PCDHB12: variants seen among roughly 807,000 people sequenced by gnomAD.
PCDHB12 encodes protocadherin beta 12, also known as protocadherin beta-12.
For synonymous variants in PCDHB12, 560 were observed against 445.2 expected (o/e 1.26, Z -3.24); for missense variants, 1,192 against 998.2 (o/e 1.19, Z -2.62).
At position 141,210,284 on chromosome 5, in the gene PCDHB12, C is replaced by A. The variant is rs782545132; in HGVS notation, c.1377C>A (p.Phe459Leu). ...PAFTQTSYAL[F>L]VRENNSPALH... ...TCACCCAAACTTCCTACGCCCTGTT[C>A]GTCCGCGAGAACAACAGCCCCGCCC... The change falls in exon 1 of 1, where the codon TTC becomes TTA. Residue 459 changes from phenylalanine (F) to leucine (L), a missense_variant. By Grantham distance (22) the Phe-to-Leu change is conservative (BLOSUM62 0). Transcript: ENST00000239450. 1.5e-5 allele frequency: 25 copies of A among 1,613,916 alleles called. No individual in the cohort carries two copies. Among genetic ancestry groups the A allele is most frequent in the South Asian group, 3.3e-5 (3 of 91,062 alleles).
Position 141,210,813 on chromosome 5 carries a change from G to T in PCDHB12, c.1906G>T (p.Ala636Ser), listed in dbSNP as rs782694034. ...CAGGCTGCTGAGCGAGCGCGACGCG[G>T]CCAAGCACAGGCTGGTGGTGCTGGT... The part of the protein sequence containing the change: ...TARLLSERDA[A>S]KHRLVVLVKD... The change falls in exon 1 of 1, where the codon GCC (alanine) becomes TCC (serine). Residue 636 changes from alanine (A) to serine (S), a missense_variant. Physicochemically the swap from Ala to Ser is moderately conservative, Grantham distance 99. Coordinates refer to ENST00000239450, the MANE Select transcript of PCDHB12 (RefSeq NM_018932.4). 6.2e-7 allele frequency: 1 copy of T among 1,600,380 alleles called. No homozygotes were observed. Among genetic ancestry groups the T allele is most frequent in the South Asian group, 1.1e-5 (1 of 90,846 alleles).
At position 141,208,970 on chromosome 5, in the gene PCDHB12, G is replaced by C; in HGVS notation, c.63G>C (p.Leu21=). ...AAGTCCTGCTTTTCTTTGTTTTGCT[G>C]GGAATGTCTCAGGCGGGCTCTGAAA... ...IRQVLLFFVL[L]GMSQAGSETG... The change falls in exon 1 of 1, where the codon CTG becomes CTC. Residue 21 remains leucine, a synonymous_variant. Transcript: ENST00000239450. 3 of 1,576,252 alleles carry C rather than the reference G, an allele frequency of 1.9e-6. No homozygotes were observed. The highest frequency in any genetic ancestry group is 2.6e-6 in the Non-Finnish European group (3 of 1,164,646).
Position 141,210,327 on chromosome 5 carries a change from A to C in PCDHB12, c.1420A>C (p.Ser474Arg), listed in dbSNP as rs1554286917. The C allele has an allele frequency of 3.1e-6, 5 of 1,613,184 alleles. No individual in the cohort carries two copies. The highest frequency in any genetic ancestry group is 3.4e-6 in the Non-Finnish European group (4 of 1,180,022). Residue 474 changes from serine to arginine, a missense_variant, in exon 1 of 1, where the codon AGC becomes CGC. Physicochemically the swap from Ser to Arg is moderately radical, Grantham distance 110. Transcript: ENST00000239450. ...NSPALHIGSI[S>R]ATDRDSGTNA... ...CCCCGCCCTGCACATCGGCAGCATCAGCGCCACAGACAGAGACTCGGGCAC... is the reference window on the plus strand; with the variant it reads ...CCCCGCCCTGCACATCGGCAGCATCCGCGCCACAGACAGAGACTCGGGCAC...
In PCDHB12 at chr5:141,210,102, A is replaced by G; in HGVS notation, c.1195A>G (p.Asn399Asp). The change falls in exon 1 of 1, where the codon AAT (asparagine) becomes GAT (aspartate). Residue 399 changes from asparagine (N) to aspartate (D), a missense_variant. Asn to Asp is a conservative substitution (Grantham distance 23). Transcript: ENST00000239450. ...IPFVLKSSVN[N>D]YYTLETERPL... ...ATTCGTGCTAAAATCTTCGGTAAAT[A>G]ATTACTACACTTTGGAAACAGAGAG... 6.2e-7 allele frequency: 1 copy of G among 1,614,118 alleles called. No individual in the cohort carries two copies.
In PCDHB12 at chr5:141,211,111, A is replaced by G. The variant is rs782092570; in HGVS notation, c.2204A>G (p.His735Arg). 15 of 1,613,916 alleles carry G rather than the reference A, an allele frequency of 9.3e-6. No homozygotes were observed. The Admixed American group carries it at 2.2e-4, about 23-fold the overall frequency. Residue 735 changes from histidine (H) to arginine (R), a missense_variant, in exon 1 of 1, where the codon CAT becomes CGT. Coordinates refer to ENST00000239450, the MANE Select transcript of PCDHB12 (RefSeq NM_018932.4). ...GTGCCTGAGGGCCCCTTTCCAGGACATCTGGTGGACGTGAGTGGCACCGGG... is the reference window on the plus strand; with the variant it reads ...GTGCCTGAGGGCCCCTTTCCAGGACGTCTGGTGGACGTGAGTGGCACCGGG... ...CSVPEGPFPG[H>R]LVDVSGTGTL...
chr5:141,212,005 T>G lies in PCDHB12; in HGVS notation c.*710T>G, dbSNP rs1754472682. The G allele has an allele frequency of 6.0e-6, 1 of 167,116 alleles. No homozygotes were observed. The highest frequency in any genetic ancestry group is 6.5e-5 in the Admixed American group (1 of 15,288). 10.4% of individuals were successfully genotyped at this position (167,116 alleles called of 1,614,324 possible). A position where few individuals can be genotyped will look rare whatever the true frequency, so the allele number is the denominator to read the frequency against. ...TTCAATCTTTATTTAGAAATAAACT[T>G]TATCTATGATTTCATTTTCTTATAA... On this transcript the variant is annotated 3_prime_UTR_variant, in exon 1 of 1. Coordinates refer to ENST00000239450, the MANE Select transcript of PCDHB12 (RefSeq NM_018932.4).
In PCDHB12 at chr5:141,210,503, C is replaced by T; in HGVS notation, c.1596C>T (p.Gly532=). The change falls in exon 1 of 1, where the codon GGC becomes GGT. Residue 532 remains glycine (G), a synonymous_variant. Coordinates refer to ENST00000239450, the MANE Select transcript of PCDHB12 (RefSeq NM_018932.4). Reference sequence around the variant, plus strand: ...TGCAGGGGTTCCAGTTCCGCGTGGGCGCCACAGACCACGGCTCCCCGGCTT... The same window carrying T: ...TGCAGGGGTTCCAGTTCCGCGTGGGTGCCACAGACCACGGCTCCCCGGCTT... The part of the protein sequence containing the change: ...EALQGFQFRV[G]ATDHGSPALS... 6.2e-7 allele frequency: 1 copy of T among 1,612,420 alleles called. No homozygotes were observed. The highest frequency in any genetic ancestry group is 8.5e-7 in the Non-Finnish European group (1 of 1,179,834).
chr5:141,211,484 T>C lies in PCDHB12; in HGVS notation c.*189T>C, dbSNP rs1554287235. 3 of 708,370 alleles carry C rather than the reference T, an allele frequency of 4.2e-6. No homozygotes were observed. The highest frequency in any genetic ancestry group is 7.5e-6 in the Non-Finnish European group (3 of 399,330). 43.9% of individuals were successfully genotyped at this position (708,370 alleles called of 1,614,324 possible). ...CACTTCACAAAGCAGGAAATGTGCA[T>C]GTGTAATGGTTTATGTCAAACAATT... On this transcript the variant is annotated 3_prime_UTR_variant, in exon 1 of 1. Transcript: ENST00000239450.
Position 141,208,837 on chromosome 5 carries a change from C to A in PCDHB12, c.-71C>A. On this transcript the variant is annotated 5_prime_UTR_variant, in exon 1 of 1. Transcript: ENST00000239450. ...GGATTTGGTAGACAGATCAGAGGCA[C>A]GTTTCCCACAACTGCGAAGAGGCGC... The A allele has an allele frequency of 7.4e-7, 1 of 1,356,206 alleles. No homozygotes were observed. Among genetic ancestry groups the A allele is most frequent in the Non-Finnish European group, 1.0e-6 (1 of 995,974 alleles). 84.0% of individuals were successfully genotyped at this position (1,356,206 alleles called of 1,614,324 possible). A position where few individuals can be genotyped will look rare whatever the true frequency, so the allele number is the denominator to read the frequency against.
In PCDHB12 at chr5:141,211,588, C is replaced by T. The variant is rs1754463800; in HGVS notation, c.*293C>T. ...TGCTTTCCATTGTTTTCAATATTTACTGTGACTTTTGTTTTCTGAGTTGAT... is the reference window on the plus strand; with the variant it reads ...TGCTTTCCATTGTTTTCAATATTTATTGTGACTTTTGTTTTCTGAGTTGAT... On this transcript the variant is annotated 3_prime_UTR_variant, in exon 1 of 1. Coordinates refer to ENST00000239450, the MANE Select transcript of PCDHB12 (RefSeq NM_018932.4). 7.3e-6 allele frequency: 3 copies of T among 412,902 alleles called. No individual in the cohort carries two copies. The highest frequency in any genetic ancestry group is 8.8e-5 in the Admixed American group (2 of 22,832). 25.6% of individuals were successfully genotyped at this position (412,902 alleles called of 1,614,324 possible).
At position 141,210,939 on chromosome 5, in the gene PCDHB12, C is replaced by T. The variant is rs1554287087; in HGVS notation, c.2032C>T (p.Pro678Ser). 6.2e-6 allele frequency: 10 copies of T among 1,611,388 alleles called. No individual in the cohort carries two copies. In the South Asian group the frequency reaches 9.9e-5, roughly 16 times the overall value. ...CTACCTGCCTCTCCCGGAGGCGGCC[C>T]CGGCCCAGGCCCAGGCCGACTCGCT... ...QPYLPLPEAA[P>S]AQAQADSLTV... The change falls in exon 1 of 1, where the codon CCG becomes TCG. Residue 678 changes from proline to serine, a missense_variant. Physicochemically the swap from Pro to Ser is moderately conservative, Grantham distance 74 (BLOSUM62 -1). Coordinates refer to ENST00000239450, the MANE Select transcript of PCDHB12 (RefSeq NM_018932.4).
At position 141,210,339 on chromosome 5, in the gene PCDHB12, A is replaced by C; in HGVS notation, c.1432A>C (p.Arg478=). 3 of 1,613,058 alleles carry C rather than the reference A, an allele frequency of 1.9e-6. No individual in the cohort carries two copies. Among genetic ancestry groups the C allele is most frequent in the Non-Finnish European group, 2.5e-6 (3 of 1,179,988 alleles). ...LHIGSISATD[R]DSGTNAQVNY... ...CATCGGCAGCATCAGCGCCACAGAC[A>C]GAGACTCGGGCACCAACGCCCAGGT... The change falls in exon 1 of 1, where the codon AGA becomes CGA. Residue 478 remains arginine, a synonymous_variant. Coordinates refer to ENST00000239450, the MANE Select transcript of PCDHB12 (RefSeq NM_018932.4).
At position 141,210,285 on chromosome 5, in the gene PCDHB12, G is replaced by C. The variant is rs201639038; in HGVS notation, c.1378G>C (p.Val460Leu). The C allele has an allele frequency of 4.0e-5, 65 of 1,613,734 alleles. No individual in the cohort carries two copies. Among genetic ancestry groups the C allele is most frequent in the Non-Finnish European group, 3.6e-5 (42 of 1,180,040 alleles). ...CACCCAAACTTCCTACGCCCTGTTCGTCCGCGAGAACAACAGCCCCGCCCT... is the reference window on the plus strand; with the variant it reads ...CACCCAAACTTCCTACGCCCTGTTCCTCCGCGAGAACAACAGCCCCGCCCT... The part of the protein sequence containing the change: ...AFTQTSYALF[V>L]RENNSPALHI... The change falls in exon 1 of 1, where the codon GTC becomes CTC. Residue 460 changes from valine to leucine, a missense_variant. Coordinates refer to ENST00000239450, the MANE Select transcript of PCDHB12 (RefSeq NM_018932.4).
chr5:141,210,047 G>C lies in PCDHB12; in HGVS notation c.1140G>C (p.Lys380Asn). ...IRDRDSGDNGKMVCSIPEDIP... is the reference protein window; with the variant it reads ...IRDRDSGDNGNMVCSIPEDIP... ...ACAGAGACTCTGGGGACAACGGAAAGATGGTTTGTTCTATCCCGGAGGACA... is the reference window on the plus strand; with the variant it reads ...ACAGAGACTCTGGGGACAACGGAAACATGGTTTGTTCTATCCCGGAGGACA... Residue 380 changes from lysine to asparagine, a missense_variant, in exon 1 of 1, where the codon AAG becomes AAC. Lys to Asn is a moderately conservative substitution (Grantham distance 94, BLOSUM62 0). Transcript: ENST00000239450. The C allele has an allele frequency of 6.2e-7, 1 of 1,614,214 alleles. No homozygotes were observed. Among genetic ancestry groups the C allele is most frequent in the Non-Finnish European group, 8.5e-7 (1 of 1,180,048 alleles).
In PCDHB12 at chr5:141,210,528, T is replaced by C. The variant is rs781897576; in HGVS notation, c.1621T>C (p.Leu541=). Residue 541 remains leucine (L), a synonymous_variant, in exon 1 of 1, where the codon TTG becomes CTG. Coordinates refer to ENST00000239450, the MANE Select transcript of PCDHB12 (RefSeq NM_018932.4). The part of the protein sequence containing the change: ...VGATDHGSPA[L]SSEALVRVLV... ...CGCCACAGACCACGGCTCCCCGGCT[T>C]TGAGCAGCGAGGCGCTGGTGCGCGT... 3.8e-5 allele frequency: 62 copies of C among 1,611,960 alleles called. No homozygotes were observed. Among genetic ancestry groups the C allele is most frequent in the African/African-American group, 6.7e-5 (5 of 74,880 alleles).
rs781913146 is a variant in PCDHB12 at position 141,210,461 on chromosome 5, G to T, written c.1554G>T (p.Ser518=). The change falls in exon 1 of 1, where the codon TCG becomes TCT. Residue 518 remains serine, a synonymous_variant. Transcript: ENST00000239450. ...ADNGHLFALR[S]LDYEALQGFQ... ...ACGGCCACCTGTTTGCCCTCAGGTC[G>T]CTGGACTACGAGGCCCTGCAGGGGT... 18 of 1,612,780 alleles carry T rather than the reference G, an allele frequency of 1.1e-5. No homozygotes were observed. The highest frequency in any genetic ancestry group is 4.0e-5 in the African/African-American group (3 of 74,908).
In PCDHB12 at chr5:141,210,254, C is replaced by T; in HGVS notation, c.1347C>T (p.Pro449=). 1 of 1,614,144 alleles carries T rather than the reference C, an allele frequency of 6.2e-7. No individual in the cohort carries two copies. Among genetic ancestry groups the T allele is most frequent in the Non-Finnish European group, 8.5e-7 (1 of 1,180,042 alleles). ...TCTCCGACGTCAATGACAACGCCCC[C>T]GCCTTCACCCAAACTTCCTACGCCC... ...VLVSDVNDNA[P]AFTQTSYALF... is the part of the protein sequence containing the mutation. Residue 449 remains proline, a synonymous_variant, in exon 1 of 1, where the codon CCC becomes CCT. Transcript: ENST00000239450.
rs782246748 is a variant in PCDHB12, at chr5:141,209,393, A to G, written c.486A>G (p.Val162=). ...FLLESAKDLD[V]GINAVKSYTI... ...TTGAAAGTGCAAAGGATTTAGATGTAGGAATCAATGCTGTAAAAAGCTACA... is the reference window on the plus strand; with the variant it reads ...TTGAAAGTGCAAAGGATTTAGATGTGGGAATCAATGCTGTAAAAAGCTACA... The change falls in exon 1 of 1, where the codon GTA becomes GTG. Residue 162 remains valine (V), a synonymous_variant. Transcript: ENST00000239450. 8.7e-6 allele frequency: 14 copies of G among 1,614,118 alleles called. No homozygotes were observed. The East Asian group carries it at 2.0e-4, about 23-fold the overall frequency.
rs782523304 is a variant in PCDHB12 at position 141,210,913 on chromosome 5, C to A, written c.2006C>A (p.Pro669His). Residue 669 changes from proline to histidine, a missense_variant, in exon 1 of 1, where the codon CCC (proline) becomes CAC (histidine). By Grantham distance (77) the Pro-to-His change is moderately conservative. Transcript: ENST00000239450. The stretch of plus-strand genomic sequence containing the variant: ...CTCCTGGTGGACGGCTTCTCCCAGC[C>A]CTACCTGCCTCTCCCGGAGGCGGCC... Reference protein sequence around the residue: ...HVLLVDGFSQPYLPLPEAAPA... With the variant: ...HVLLVDGFSQHYLPLPEAAPA... 109 of 1,609,776 alleles carry A rather than the reference C, an allele frequency of 6.8e-5. No homozygotes were observed. The highest frequency in any genetic ancestry group is 8.3e-5 in the Non-Finnish European group (98 of 1,179,702).
Sources: gnomAD v4.1 joint callset for allele counts on GRCh38, gnomAD v4.1.1 for gene constraint, MANE v1.5 for transcripts, NCBI Gene and HGNC (gene_info 2026-07-23, HGNC 2026-07-21) for gene names.